Variants in TBCK observed in about 807,000 individuals in gnomAD.
TBCK encodes TBC1 domain containing kinase, also known as TBC domain-containing protein kinase-like protein.
Under a neutral mutation model 113.4 loss-of-function variants are expected in TBCK, and 99 were observed. The ratio of observed to expected loss-of-function variants is 0.87; its 90% CI spans 0.74 to 1.03. TBCK has a LOEUF of 1.03. Ranked by LOEUF, TBCK falls within the 50% of genes least tolerant of loss-of-function variation. TBCK has a pLI of 0.00. For synonymous variants in TBCK, 369 were observed against 370.8 expected (o/e 1.00, Z 0.05); for missense variants, 1,045 against 1,061.3 (o/e 0.98, Z 0.21).
intron 24 of TBCK, among the ~76,000 whole-genome samples, chr4:106,108,742 T>C (rs1742485749): frequency 6.6e-6 from 1 of 152,076 alleles, no homozygotes; most frequent in African/African-American, 2.4e-5. Flanking sequence ...CAACATACTA[T>C]TGAAAGTCCT....
chr4:106,192,139 T>G (rs1242299500), intron 22 of TBCK, among the ~76,000 whole-genome samples: 2 of 152,124 alleles, frequency 1.3e-5, no homozygotes, highest in Non-Finnish European at 2.9e-5. Context: ...CACAGTTGCA[T>G]GAATTTTTTA....
At chr4:106,203,761 C>A (rs1431076454) in intron 20 of TBCK, among the ~76,000 whole-genome samples, 2 of 151,978 alleles carry the variant, frequency 1.3e-5, no homozygotes, top group African/African-American at 2.4e-5. Flanking sequence ...TTGATTACTA[C>A]AAAAAACTTT....
chr4:106,270,692 T>G (rs1024710692), intron 3 of TBCK, among the ~76,000 whole-genome samples: 5 of 152,198 alleles, frequency 3.3e-5, no homozygotes, highest in Admixed American at 2.0e-4. Context: ...ATGACTAATT[T>G]ATCACCCTAC....
chr4:106,249,041 A>G, intron 7 of TBCK, 59 bp from the exon 8 acceptor site: 2 of 1,281,796 alleles, frequency 1.6e-6, no homozygotes. Context: ...CCAACAAACC[A>G]GAAAATAAAC....
At chr4:106,101,909 T>C (rs1366045216) in intron 24 of TBCK, among the ~76,000 whole-genome samples, 2 of 152,206 alleles carry the variant, frequency 1.3e-5, no homozygotes, top group East Asian at 3.8e-4. Flanking sequence ...ACTATTAACA[T>C]CACTTCTGAA....
intron 20 of TBCK, among the ~76,000 whole-genome samples, chr4:106,211,452 CTT>C (rs1756120476): frequency 6.6e-6 from 1 of 151,980 alleles, no homozygotes; most frequent in South Asian, 2.1e-4. Flanking sequence ...TAAATGTAGA[CTT>C]TTCAAAAATA....
chr4:106,310,583 G>A (rs1023720933), intron 1 of TBCK: 3 of 152,172 alleles, frequency 2.0e-5, no homozygotes, highest in South Asian at 4.1e-4. Flanking sequence ...AGTTGCTATG[G>A]ACACTGGTGA....
chr4:106,312,989 G>A (rs1768357800), intron 1 of TBCK, among the ~76,000 whole-genome samples: 1 of 152,116 alleles, frequency 6.6e-6, no homozygotes, highest in African/African-American at 2.4e-5. Flanking sequence ...TCTCTATCTC[G>A]ATTGTGGTGG....
intron 23 of TBCK, among the ~76,000 whole-genome samples, chr4:106,120,372 G>A (rs113911732): frequency 6.6e-5 from 10 of 152,208 alleles, no homozygotes; most frequent in East Asian, 1.9e-4. Context: ...ACTGCAAGGC[G>A]GCAGCGAGGC....
chr4:106,273,675 G>A (rs1390178507), intron 3 of TBCK, among the ~76,000 whole-genome samples: 2 of 152,216 alleles, frequency 1.3e-5, no homozygotes, highest in African/African-American at 4.8e-5. Context: ...GTGATGTGAA[G>A]ACAGGGGCAA....
chr4:106,070,942 T>C (rs1051556052), intron 25 of TBCK, among the ~76,000 whole-genome samples: 4 of 152,202 alleles, frequency 2.6e-5, no homozygotes, highest in African/African-American at 7.2e-5. Context: ...GAGGTGTTTA[T>C]AGTATTTTCT....
chr4:106,236,718 A>T, intron 13 of TBCK, 41 bp downstream of exon 13: 1 of 1,205,706 alleles, frequency 8.3e-7, no homozygotes, highest in Non-Finnish European at 1.1e-6. Flanking sequence ...TAATATAAAT[A>T]GAAAGAAAAA....
chr4:106,042,320 C>A lies in TBCK; in HGVS notation c.*4250G>T, dbSNP rs977242242. 6.6e-6 allele frequency: 1 copy of A among 152,070 alleles called. No individual in the cohort carries two copies. The highest frequency in any genetic ancestry group is 2.4e-5 in the African/African-American group (1 of 41,402). 9.4% of individuals were successfully genotyped at this position (152,070 alleles called of 1,614,324 possible). On this transcript the variant is annotated 3_prime_UTR_variant, in exon 26 of 26. Transcript: ENST00000394708. Reference sequence around the variant, plus strand: ...TATAGTCAAGGCAGCAGTCTTCTCTCCTTGTAGTGGATTTTATTAAATAAG... The same window carrying A: ...TATAGTCAAGGCAGCAGTCTTCTCTACTTGTAGTGGATTTTATTAAATAAG...
intron 23 of TBCK, among the ~76,000 whole-genome samples, chr4:106,123,661 C>T (rs1744753516): frequency 6.6e-6 from 1 of 151,866 alleles, no homozygotes; most frequent in Non-Finnish European, 1.5e-5. Context: ...AGATATAGAT[C>T]AATGGAACAG....
chr4:106,181,285 T>G (rs1410100618), intron 22 of TBCK, among the ~76,000 whole-genome samples: 3 of 152,178 alleles, frequency 2.0e-5, no homozygotes, highest in South Asian at 2.1e-4. Flanking sequence ...GTCAGATGGA[T>G]AGATTGCAAA....
At chr4:106,068,994 T>A (rs893615503) in intron 25 of TBCK, among the ~76,000 whole-genome samples, 3 of 151,898 alleles carry the variant, frequency 2.0e-5, no homozygotes, top group Middle Eastern at 3.2e-3. Context: ...TGGGGTTGTT[T>A]GATTTTTTCT....
At chr4:106,065,878 CCTT>C (rs1313191870) in intron 25 of TBCK, among the ~76,000 whole-genome samples, 1 of 151,940 alleles carries the variant, frequency 6.6e-6, no homozygotes, top group Admixed American at 6.6e-5. Context: ...TCTTTGCAGT[CCTT>C]CTTTACTCTG....
At chr4:106,302,815 C>T (rs953945823) in intron 2 of TBCK, among the ~76,000 whole-genome samples, 2 of 152,160 alleles carry the variant, frequency 1.3e-5, no homozygotes, top group Non-Finnish European at 2.9e-5. Context: ...TTGAAAATAT[C>T]TATTAATTGC....
At chr4:106,123,308 C>A (rs973108609) in intron 23 of TBCK, among the ~76,000 whole-genome samples, 8 of 152,190 alleles carry the variant, frequency 5.3e-5, no homozygotes, top group African/African-American at 1.9e-4. Context: ...AGGAATCCAA[C>A]TTACAAGGCA....
Sources: allele counts gnomAD v4.1 joint callset (sites outside exome capture counted in the v4.1 genomes callset), GRCh38; gene constraint gnomAD v4.1.1; transcripts MANE v1.5; gene names NCBI Gene and HGNC (gene_info 2026-07-23, HGNC 2026-07-21).